The following SSBP4 variants were observed in gnomAD, a reference collection of about 807,000 sequenced individuals.
SSBP4 encodes the protein single stranded DNA binding protein 4.
SSBP4 carries 33 observed loss-of-function variants against 64.6 expected under a neutral mutation model. The observed-to-expected ratio is 0.51, with a 90% confidence interval of 0.39 to 0.68. SSBP4 has a LOEUF of 0.68. Among genes scored for constraint, SSBP4 ranks in the 30% least tolerant of loss-of-function variants. The pLI is 0.00. For missense variants in SSBP4, 583 were observed against 566.8 expected, an observed-to-expected ratio of 1.03 and a Z score of -0.29; for synonymous variants, 243 against 224.0, an observed-to-expected ratio of 1.08 and a Z score of -0.76.
Position 18,432,219 on chromosome 19 carries a change from G to T in SSBP4, c.704+5G>T. 4 of 1,612,960 alleles carry T rather than the reference G, an allele frequency of 2.5e-6. No homozygotes were observed. Among genetic ancestry groups the T allele is most frequent in the Non-Finnish European group, 3.4e-6 (4 of 1,179,916 alleles). On this transcript the variant is annotated splice_donor_5th_base_variant and intron_variant, in intron 10 of 17. Transcript: ENST00000270061. Reference sequence around the variant, plus strand: ...AGGCCTGCCTGCCATGAACATGTAAGACCCTGGGGGATCCTAGGAGTGTGC... The same window carrying T: ...AGGCCTGCCTGCCATGAACATGTAATACCCTGGGGGATCCTAGGAGTGTGC...
Position 18,431,812 on chromosome 19 carries a change from G to A in SSBP4, c.515G>A (p.Gly172Asp). ...CCGCAGCCTCCCGCAGGCCTCCCTGGCTCCCAGCCCCTCCTCCCTGGCGCC... is the reference window on the plus strand; with the variant it reads ...CCGCAGCCTCCCGCAGGCCTCCCTGACTCCCAGCCCCTCCTCCCTGGCGCC... The part of the protein sequence containing the change: ...MPSQPPAGLP[G>D]SQPLLPGAME... The change falls in exon 8 of 18, where the codon GGC becomes GAC. Residue 172 changes from glycine to aspartate, a missense_variant. Physicochemically the swap from Gly to Asp is moderately conservative, Grantham distance 94. Transcript: ENST00000270061. 5 of 1,563,850 alleles carry A rather than the reference G, an allele frequency of 3.2e-6. No homozygotes were observed. Among genetic ancestry groups the A allele is most frequent in the Non-Finnish European group, 4.3e-6 (5 of 1,153,284 alleles).
the SSBP4 span, among the ~76,000 whole-genome samples, chr19:18,404,666 GTGGATCAC>G: frequency 6.6e-6 from 1 of 151,226 alleles, no homozygotes; most frequent in South Asian, 2.1e-4. Flanking sequence ...GCTGAGGTGG[GTGGATCAC>G]AAGGTCAGGA....
At chr19:18,420,166 G>A (rs1410842418) in intron 1 of SSBP4, 1 of 152,152 alleles carries the variant, frequency 6.6e-6, no homozygotes, top group Non-Finnish European at 1.5e-5. Context: ...GTCGGCTCGG[G>A]GACCCCAGTC....
At chr19:18,429,132 C>T (rs1348913236) in intron 4 of SSBP4, among the ~76,000 whole-genome samples, 1 of 152,138 alleles carries the variant, frequency 6.6e-6, no homozygotes, top group Non-Finnish European at 1.5e-5. Flanking sequence ...CGCGGGGACT[C>T]GTCATGCCGG....
rs369795346 is a variant in SSBP4, at chr19:18,427,470, G to A, written c.132+47G>A. On this transcript the variant is annotated intron_variant, in intron 2 of 17. Transcript: ENST00000270061. The surrounding 1 kb of genome is among the most constrained non-coding windows in gnomAD (Gnocchi z 4.4). ...GGCCCTCCCTCCTCACCCACACTCC[G>A]GGGGTCCTTCATTTCCACTGGGGAT... 1.6e-5 allele frequency: 26 copies of A among 1,591,644 alleles called. No homozygotes were observed. The highest frequency in any genetic ancestry group is 5.1e-5 in the Admixed American group (3 of 58,902).
In SSBP4 at chr19:18,421,511, C is replaced by T. The variant is rs146948669; in HGVS notation, c.59+1804C>T. On this transcript the variant is annotated intron_variant, in intron 1 of 17. Transcript: ENST00000270061. ...CCTGGGTGTCCCTGGGTGTGGCAGT[C>T]GGGAAGGCAGGCTCCGGTCGGGATG... Among the ~76,000 whole-genome samples the T allele has an allele frequency of 3.0e-3, 464 of 152,256 alleles. 3 individuals are homozygous for T. The highest frequency in any genetic ancestry group is 0.011 in the African/African-American group (451 of 41,530).
chr19:18,430,187 C>G (rs1411961939), intron 4 of SSBP4, among the ~76,000 whole-genome samples: 3 of 152,166 alleles, frequency 2.0e-5, no homozygotes, highest in African/African-American at 7.2e-5. Flanking sequence ...TTCCTCTGCC[C>G]TCATAGACTG....
At chr19:18,402,916 AAAGAGGAAGGCCTCTTGCAGTTGAGCT>A in the SSBP4 span, among the ~76,000 whole-genome samples, 1 of 152,276 alleles carries the variant, frequency 6.6e-6, no homozygotes, top group African/African-American at 2.4e-5. Flanking sequence ...AGGATTAGTA[AAAGAGGAAGGCCTCTTGCAGTTGAGCT>A]AAGAGGAAGG....
rs376588053 is a variant in SSBP4 at position 18,427,959 on chromosome 19, G to A, written c.256G>A (p.Glu86Lys). 1.7e-5 allele frequency: 27 copies of A among 1,612,620 alleles called. No individual in the cohort carries two copies. The highest frequency in any genetic ancestry group is 1.3e-4 in the African/African-American group (10 of 74,844). Residue 86 changes from glutamate (E) to lysine (K), a missense_variant, in exon 4 of 18, where the codon GAG becomes AAG. Physicochemically the swap from Glu to Lys is moderately conservative, Grantham distance 56. This residue lies in a region of SSBP4 where 444 missense variants were observed against 386.6 expected (regional missense o/e 1.15). Transcript: ENST00000270061. The surrounding 1 kb of genome is among the most constrained non-coding windows in gnomAD (Gnocchi z 4.4). ...DRREACEHSG[E>K]AKAFQDYSAA... ...AAGAGAGGCCTGCGAGCACTCCGGC[G>A]AGGCCAAGGCCTTCCAGGACTATGT...
upstream of SSBP4, chr19:18,418,827 C>T: frequency 3.0e-6 from 1 of 337,398 alleles, no homozygotes; most frequent in Non-Finnish European, 4.2e-6. This position sits in a 1 kb window ranked among gnomAD's most constrained non-coding sequence, Gnocchi z 6.7. Flanking sequence ...CACGGCCTTG[C>T]ATAAGCGCGC....
rs1195008478 is a variant in SSBP4, at chr19:18,431,658, A to C, written c.447A>C (p.Ser149=). The C allele has an allele frequency of 6.4e-7, 1 of 1,551,440 alleles. No individual in the cohort carries two copies. The highest frequency in any genetic ancestry group is 1.9e-5 in the Admixed American group (1 of 52,000). Residue 149 remains serine (S), a synonymous_variant, in exon 7 of 18, where the codon TCA becomes TCC. Coordinates refer to ENST00000270061, the MANE Select transcript of SSBP4 (RefSeq NM_032627.5). ...CCCACCTCTTCCAGCCCTTCATGTCACCGCGCTTCCCAGGGGGCCCCCGGC... is the reference window on the plus strand; with the variant it reads ...CCCACCTCTTCCAGCCCTTCATGTCCCCGCGCTTCCCAGGGGGCCCCCGGC... ...MMGPHGQPFM[S]PRFPGGPRPT... is the part of the protein sequence containing the mutation.
intron 4 of SSBP4, among the ~76,000 whole-genome samples, chr19:18,429,373 C>T (rs979462643): frequency 1.1e-4 from 17 of 149,838 alleles, no homozygotes; most frequent in Non-Finnish European, 1.8e-4. Context: ...GGATGATTGA[C>T]GTAGGGGGTC....
chr19:18,421,767 T>C (rs1408898351), intron 1 of SSBP4, among the ~76,000 whole-genome samples: 1 of 152,172 alleles, frequency 6.6e-6, no homozygotes, highest in Non-Finnish European at 1.5e-5. Context: ...GGGTTGTGTG[T>C]GCAGAAGTGC....
At chr19:18,413,653 G>C in the SSBP4 span, among the ~76,000 whole-genome samples, 1 of 152,218 alleles carries the variant, frequency 6.6e-6, no homozygotes, top group Admixed American at 6.5e-5. Context: ...CCCAGGAGCA[G>C]GGGAGGTCGT....
chr19:18,413,686 C>T, the SSBP4 span, among the ~76,000 whole-genome samples: 1 of 152,156 alleles, frequency 6.6e-6, no homozygotes, highest in Non-Finnish European at 1.5e-5. Flanking sequence ...TCAGTCCTGT[C>T]GGAGACCTTA....
chr19:18,408,846 C>T, the SSBP4 span, among the ~76,000 whole-genome samples: 2 of 151,982 alleles, frequency 1.3e-5, no homozygotes, highest in Non-Finnish European at 2.9e-5. Flanking sequence ...CAAGGTCTCA[C>T]TCGGTCACCC....
rs1361467561 is a variant in SSBP4, at chr19:18,432,610, C to T, written c.750+6C>T. 2.0e-6 allele frequency: 3 copies of T among 1,486,950 alleles called. No homozygotes were observed. The highest frequency in any genetic ancestry group is 2.8e-5 in the African/African-American group (2 of 70,258). 92.1% of individuals were successfully genotyped at this position (1,486,950 alleles called of 1,614,324 possible). A position where few individuals can be genotyped will look rare whatever the true frequency, so the allele number is the denominator to read the frequency against. On this transcript the variant is annotated splice_donor_region_variant and intron_variant, in intron 11 of 17. Transcript: ENST00000270061. ...CCAGCCCCAGTGGAAACTCGGTGAGCCTATGGCTGGGTGGGCAGGCTTGGG... is the reference window on the plus strand; with the variant it reads ...CCAGCCCCAGTGGAAACTCGGTGAGTCTATGGCTGGGTGGGCAGGCTTGGG...
rs186859585 is a variant in SSBP4 at position 18,430,129 on chromosome 19, C to T, written c.280-712C>T. On this transcript the variant is annotated intron_variant, in intron 4 of 17. Transcript: ENST00000270061. Reference sequence around the variant, plus strand: ...GGTTTGGGGCTTGGCCTGGACCATACAGACAGGGGCCAGGAGAGAAGTTCT... The same window carrying T: ...GGTTTGGGGCTTGGCCTGGACCATATAGACAGGGGCCAGGAGAGAAGTTCT... Among the ~76,000 whole-genome samples, 3 of 152,274 alleles carry T rather than the reference C, an allele frequency of 2.0e-5. No individual in the cohort carries two copies. In the East Asian group the frequency reaches 5.8e-4, roughly 29 times the overall value.
intron 4 of SSBP4, among the ~76,000 whole-genome samples, chr19:18,428,723 G>T (rs1244812431): frequency 6.6e-6 from 1 of 151,960 alleles, no homozygotes; most frequent in East Asian, 1.9e-4. Context: ...GCAGGCCCCA[G>T]CAAGGCAGAG....
Sources: allele counts gnomAD v4.1 joint callset (sites outside exome capture counted in the v4.1 genomes callset), GRCh38; gene constraint gnomAD v4.1.1; regional missense constraint gnomAD v4.1.1; non-coding constraint Gnocchi (gnomAD v3.1); transcripts MANE v1.5; gene names NCBI Gene and HGNC (gene_info 2026-07-23, HGNC 2026-07-21).